FAM3C: variants seen among roughly 807,000 people sequenced by gnomAD.
FAM3C encodes the protein FAM3 metabolism regulating signaling molecule C.
In FAM3C, 15 loss-of-function variants were observed where a neutral mutation model predicts 32.5. That is an observed-to-expected ratio of 0.46 (90% CI 0.31 to 0.71). The LOEUF is 0.71. Among genes scored for constraint, FAM3C ranks in the 30% least tolerant of loss-of-function variants. The pLI is 0.05. For missense variants in FAM3C, 175 were observed against 274.4 expected (o/e 0.64, Z 2.56); for synonymous variants, 75 against 86.1 (o/e 0.87, Z 0.72).
intron 1 of FAM3C, among the ~76,000 whole-genome samples, chr7:121,383,348 GCA>G (rs1794399086): frequency 2.0e-5 from 3 of 152,118 alleles, no homozygotes; most frequent in Admixed American, 2.0e-4. Context: ...CCTTCAGTTT[GCA>G]GATGATGTCC....
intron 2 of FAM3C, among the ~76,000 whole-genome samples, chr7:121,380,498 A>C (rs1239959319): frequency 6.6e-6 from 1 of 152,126 alleles, no homozygotes; most frequent in African/African-American, 2.4e-5. Context: ...AACACTGAGA[A>C]GGGAACATAT....
chr7:121,351,134 G>T lies in FAM3C; in HGVS notation c.594+9C>A. The T allele has an allele frequency of 6.2e-7, 1 of 1,610,478 alleles. No homozygotes were observed. The highest frequency in any genetic ancestry group is 8.5e-7 in the Non-Finnish European group (1 of 1,178,404). On this transcript the variant is annotated intron_variant, in intron 9 of 9. Coordinates refer to ENST00000359943, the MANE Select transcript of FAM3C (RefSeq NM_014888.3). ...GTTTTTGTTAATTCTGAGAGTCTAT[G>T]ACACTAACCTGTTCAAAAGGGCTTT... is the stretch of plus-strand genomic sequence containing the variant.
At chr7:121,373,333 C>A (rs932242009) in intron 3 of FAM3C, among the ~76,000 whole-genome samples, 2 of 152,148 alleles carry the variant, frequency 1.3e-5, no homozygotes, top group African/African-American at 4.8e-5. Context: ...CAATACACAT[C>A]AAAATCAAAA....
chr7:121,376,368 A>T (rs2536151), intron 3 of FAM3C, among the ~76,000 whole-genome samples: 5,004 of 152,278 alleles, frequency 0.033, 300 homozygotes, highest in African/African-American at 0.11. Context: ...TTAACTGAGG[A>T]ATCACTGATG....
chr7:121,395,960 G>A (rs1457338662), intron 1 of FAM3C, among the ~76,000 whole-genome samples: 2 of 151,498 alleles, frequency 1.3e-5, no homozygotes, highest in African/African-American at 4.8e-5. Flanking sequence ...CCGGCCAGCG[G>A]CTCTCCGGGA....
At chr7:121,362,539 T>A (rs2536165) in intron 7 of FAM3C, among the ~76,000 whole-genome samples, 1 of 151,890 alleles carries the variant, frequency 6.6e-6, no homozygotes, top group African/African-American at 2.4e-5. Context: ...AATGCTTACA[T>A]TGGTTATTCT....
chr7:121,383,215 G>A (rs1439236366), intron 1 of FAM3C, among the ~76,000 whole-genome samples: 2 of 151,820 alleles, frequency 1.3e-5, no homozygotes, highest in African/African-American at 2.4e-5. Context: ...ACCCTGCTGT[G>A]TCTTCAGCTA....
At chr7:121,386,599 CTGTA>C (rs771777538) in intron 1 of FAM3C, among the ~76,000 whole-genome samples, 1 of 151,250 alleles carries the variant, frequency 6.6e-6, no homozygotes, top group African/African-American at 2.4e-5. Flanking sequence ...AATCATATAC[CTGTA>C]TATAAATGAA....
At chr7:121,383,750 T>C (rs556303225) in intron 1 of FAM3C, among the ~76,000 whole-genome samples, 1 of 152,196 alleles carries the variant, frequency 6.6e-6, no homozygotes, top group South Asian at 2.1e-4. Flanking sequence ...AAGAAATAAC[T>C]CAAAATAGGT....
chr7:121,352,632 T>C (rs1274934315), intron 8 of FAM3C, among the ~76,000 whole-genome samples: 2 of 152,230 alleles, frequency 1.3e-5, no homozygotes, highest in Non-Finnish European at 2.9e-5. Flanking sequence ...ACATGAAATC[T>C]GTGCATATGC....
chr7:121,385,160 G>T (rs1216895529), intron 1 of FAM3C, among the ~76,000 whole-genome samples: 1 of 151,792 alleles, frequency 6.6e-6, no homozygotes, highest in Non-Finnish European at 1.5e-5. Context: ...CAGGCGAAAG[G>T]GCTTATATAT....
intron 3 of FAM3C, among the ~76,000 whole-genome samples, chr7:121,374,652 A>T (rs1009709976): frequency 1.3e-5 from 2 of 152,242 alleles, no homozygotes; most frequent in Admixed American, 6.5e-5. Flanking sequence ...GAATTAAAAT[A>T]AAACCACACA....
intron 3 of FAM3C, among the ~76,000 whole-genome samples, chr7:121,378,698 G>A (rs1396485563): frequency 2.4e-5 from 3 of 127,596 alleles, no homozygotes; most frequent in Non-Finnish European, 5.0e-5. Flanking sequence ...CATTACATAT[G>A]TTCAAAATGT....
At chr7:121,366,199 A>G (rs1044455094) in intron 5 of FAM3C, among the ~76,000 whole-genome samples, 10 of 152,214 alleles carry the variant, frequency 6.6e-5, no homozygotes, top group Admixed American at 5.9e-4. Flanking sequence ...CTGGGAGTAT[A>G]AAGAAATCAA....
At chr7:121,351,555 A>T (rs1584686898) in intron 8 of FAM3C, 1 of 298,014 alleles carries the variant, frequency 3.4e-6, no homozygotes, top group East Asian at 6.2e-5. Context: ...TACACTCATC[A>T]AATAAATAAG....
chr7:121,354,901 T>C (rs1287982073), intron 8 of FAM3C, among the ~76,000 whole-genome samples: 4 of 152,198 alleles, frequency 2.6e-5, no homozygotes, highest in Non-Finnish European at 4.4e-5. Flanking sequence ...TCTAAATTAG[T>C]GCTATCATAG....
chr7:121,364,530 G>C (rs2536161), intron 5 of FAM3C: 5,154 of 183,756 alleles, frequency 0.028, 309 homozygotes, highest in African/African-American at 0.11. Flanking sequence ...TCAAACAAAA[G>C]ATAATCTCTT....
At chr7:121,385,780 G>A (rs1328813344) in intron 1 of FAM3C, among the ~76,000 whole-genome samples, 8 of 152,126 alleles carry the variant, frequency 5.3e-5, no homozygotes, top group Non-Finnish European at 8.8e-5. Flanking sequence ...CCAGGAGGGG[G>A]ATTTCTTGCC....
intron 2 of FAM3C, among the ~76,000 whole-genome samples, chr7:121,381,793 T>G (rs1387463049): frequency 6.6e-6 from 1 of 152,196 alleles, no homozygotes; most frequent in Non-Finnish European, 1.5e-5. Flanking sequence ...GTTACTTTTT[T>G]TAAAATTGCT....
Sources: allele counts gnomAD v4.1 joint callset (sites outside exome capture counted in the v4.1 genomes callset), GRCh38; gene constraint gnomAD v4.1.1; transcripts MANE v1.5; gene names NCBI Gene and HGNC (gene_info 2026-07-23, HGNC 2026-07-21).